Variants in ANKRD6 observed in about 807,000 individuals in gnomAD.
The protein encoded by ANKRD6 is ankyrin repeat domain-containing protein 6.
A neutral mutation model predicts 82.3 loss-of-function variants in ANKRD6; 56 were observed. That is an observed-to-expected ratio of 0.68 (90% CI 0.55 to 0.85). The LOEUF (loss-of-function observed/expected upper bound fraction) is 0.85. Among genes scored for constraint, ANKRD6 ranks in the 40% least tolerant of loss-of-function variants. The pLI is 0.00. For synonymous variants in ANKRD6, 347 were observed against 352.1 expected (o/e 0.99, Z 0.16); for missense variants, 852 against 907.6 (o/e 0.94, Z 0.79).
At chr6:89,568,242 C>G (rs1050384776) in intron 2 of ANKRD6, 1 of 152,188 alleles carries the variant, frequency 6.6e-6, no homozygotes, top group African/African-American at 2.4e-5. Context: ...GGCACCTGCT[C>G]ACAGATTTTA....
At chr6:89,595,793 A>T in intron 2 of ANKRD6, 123 bp from the exon 3 acceptor site, 1 of 707,518 alleles carries the variant, frequency 1.4e-6, no homozygotes, top group African/African-American at 1.8e-5. Context: ...CTGCCAATCC[A>T]AAGGGGCAGG....
chr6:89,509,549 G>A (rs2127932931), intron 1 of ANKRD6, among the ~76,000 whole-genome samples: 1 of 152,224 alleles, frequency 6.6e-6, no homozygotes, highest in African/African-American at 2.4e-5. Flanking sequence ...TGCCTACTTT[G>A]TATGTATTGG....
intron 2 of ANKRD6, among the ~76,000 whole-genome samples, chr6:89,583,210 C>G (rs1792969365): frequency 6.6e-6 from 1 of 152,196 alleles, no homozygotes; most frequent in South Asian, 2.1e-4. Context: ...GTCCATTGAG[C>G]ATCGGGCCAA....
At chr6:89,580,084 G>C (rs1357610477) in intron 2 of ANKRD6, among the ~76,000 whole-genome samples, 2 of 152,102 alleles carry the variant, frequency 1.3e-5, no homozygotes, top group African/African-American at 4.8e-5. Flanking sequence ...TTTGGGTGGG[G>C]GTGATGAAAA....
intron 2 of ANKRD6, among the ~76,000 whole-genome samples, chr6:89,594,733 G>A (rs1346007469): frequency 6.6e-6 from 1 of 152,034 alleles, no homozygotes; most frequent in Non-Finnish European, 1.5e-5. Flanking sequence ...CATAATTTCA[G>A]TTTAGTGTTT....
At chr6:89,460,812 G>A (rs571032083) in intron 1 of ANKRD6, among the ~76,000 whole-genome samples, 39 of 151,884 alleles carry the variant, frequency 2.6e-4, no homozygotes, top group Admixed American at 5.3e-4. Context: ...CAGAATGAGA[G>A]AGTGGAGAGG....
At chr6:89,442,235 A>G (rs376022166) in intron 1 of ANKRD6, among the ~76,000 whole-genome samples, 3 of 152,000 alleles carry the variant, frequency 2.0e-5, no homozygotes, top group South Asian at 4.2e-4. Flanking sequence ...GGCTCAAGCA[A>G]TCCACCTGCC....
At chr6:89,556,423 G>A (rs1325763220) in intron 1 of ANKRD6, among the ~76,000 whole-genome samples, 1 of 152,164 alleles carries the variant, frequency 6.6e-6, no homozygotes, top group East Asian at 1.9e-4. Context: ...TTTTATTGAG[G>A]ACCTGTTTTG....
intron 1 of ANKRD6, among the ~76,000 whole-genome samples, chr6:89,454,766 T>A (rs182908811): frequency 6.6e-6 from 1 of 152,352 alleles, no homozygotes; most frequent in East Asian, 1.9e-4. Flanking sequence ...GTATTTTTTT[T>A]ATAGTTCTAC....
In ANKRD6 at chr6:89,605,928, T is replaced by A. The variant is rs530999280; in HGVS notation, c.319-79T>A. On this transcript the variant is annotated intron_variant, in intron 4 of 15. Coordinates refer to ENST00000339746, the MANE Select transcript of ANKRD6 (RefSeq NM_001242809.2). ...AAGGCCGTCTGGTGTTCCGTAAAAA[T>A]CCACTGTGATGTATTGATCATAATG... 6 of 1,003,738 alleles carry A rather than the reference T, an allele frequency of 6.0e-6. No homozygotes were observed. In the African/African-American group the frequency reaches 9.6e-5, roughly 16 times the overall value. 62.2% of individuals were successfully genotyped at this position (1,003,738 alleles called of 1,614,324 possible). A position where few individuals can be genotyped will look rare whatever the true frequency, so the allele number is the denominator to read the frequency against.
At chr6:89,524,244 C>A (rs1457230487) in intron 1 of ANKRD6, among the ~76,000 whole-genome samples, 1 of 151,930 alleles carries the variant, frequency 6.6e-6, no homozygotes. Flanking sequence ...TTTTGATGCA[C>A]CCGTCACCCA....
intron 1 of ANKRD6, among the ~76,000 whole-genome samples, chr6:89,446,003 C>T (rs1772038845): frequency 6.6e-6 from 1 of 152,172 alleles, no homozygotes; most frequent in Admixed American, 6.5e-5. Context: ...CCAGCTGTTA[C>T]CCATCTCTCT....
chr6:89,473,338 C>A (rs1165012617), intron 1 of ANKRD6, among the ~76,000 whole-genome samples: 1 of 149,620 alleles, frequency 6.7e-6, no homozygotes, highest in Non-Finnish European at 1.5e-5. Flanking sequence ...TTTAACCTGG[C>A]GGTGGAGTGA....
At chr6:89,550,379 T>G (rs192759013) in intron 1 of ANKRD6, among the ~76,000 whole-genome samples, 259 of 152,224 alleles carry the variant, frequency 1.7e-3, no homozygotes, top group Admixed American at 4.1e-3. Context: ...CATAACAATA[T>G]TGGATAAATT....
At chr6:89,524,498 A>G (rs1272645806) in intron 1 of ANKRD6, among the ~76,000 whole-genome samples, 1 of 152,234 alleles carries the variant, frequency 6.6e-6, no homozygotes, top group African/African-American at 2.4e-5. Context: ...CATAAAAGGG[A>G]ACAAAATAAC....
At chr6:89,482,169 A>G (rs895545891) in intron 1 of ANKRD6, among the ~76,000 whole-genome samples, 1 of 152,194 alleles carries the variant, frequency 6.6e-6, no homozygotes, top group African/African-American at 2.4e-5. Flanking sequence ...CATTCAATTC[A>G]CTATAAAACA....
intron 5 of ANKRD6, among the ~76,000 whole-genome samples, chr6:89,611,778 T>C (rs1403664692): frequency 6.6e-6 from 1 of 152,284 alleles, no homozygotes; most frequent in Admixed American, 6.5e-5. Context: ...TGCATTAGCC[T>C]GCCCTTCCAG....
chr6:89,455,679 C>T (rs1773417330), intron 1 of ANKRD6, among the ~76,000 whole-genome samples: 1 of 152,024 alleles, frequency 6.6e-6, no homozygotes, highest in Non-Finnish European at 1.5e-5. Context: ...CATGTAACAC[C>T]TGCCCCCTCT....
rs1343492402 is a variant in ANKRD6 at position 89,621,991 on chromosome 6, C to T, written c.862C>T (p.Gln288Ter). ...GAGGCTCAAGGAAGAGAGGAGAGCC[C>T]AGTCTGTGCCAAGAGATGAGGTGGC... is the stretch of plus-strand genomic sequence containing the variant. ...RERLKEERRA[Q>*]SVPRDEVAQS... The change falls in exon 10 of 16, where the codon CAG becomes TAG. Residue 288 changes from glutamine to a stop codon, truncating the protein, a stop_gained. Coordinates refer to ENST00000339746, the MANE Select transcript of ANKRD6 (RefSeq NM_001242809.2). LOFTEE classifies it high-confidence loss of function. The T allele has an allele frequency of 1.9e-6, 3 of 1,612,746 alleles. No homozygotes were observed. The highest frequency in any genetic ancestry group is 3.3e-5 in the Admixed American group (2 of 60,034).
Sources: allele counts gnomAD v4.1 joint callset (sites outside exome capture counted in the v4.1 genomes callset), GRCh38; gene constraint gnomAD v4.1.1; transcripts MANE v1.5; gene names NCBI Gene and HGNC (gene_info 2026-07-23, HGNC 2026-07-21).